The following TTLL13 variants were observed in gnomAD, a reference collection of about 807,000 sequenced individuals.
TTLL13 encodes the protein tubulin polyglutamylase TTLL13.
the TTLL13 span, chr15:90,262,508 A>C: frequency 6.6e-7 from 1 of 1,504,544 alleles, no homozygotes; most frequent in Non-Finnish European, 8.8e-7. Context: ...ACTAGAGGAG[A>C]TCCGCCTTAA....
the TTLL13 span, chr15:90,263,301 G>T: frequency 4.6e-6 from 3 of 654,468 alleles, no homozygotes; most frequent in Admixed American, 6.2e-5. Context: ...GAGAGGGTCT[G>T]TTGATTCCTT....
the TTLL13 span, among the ~76,000 whole-genome samples, chr15:90,259,909 A>G: frequency 1.3e-5 from 2 of 152,364 alleles, no homozygotes; most frequent in South Asian, 2.1e-4. Context: ...ATTTCAGTAC[A>G]TGTATAGTTA....
chr15:90,259,498 C>A, the TTLL13 span, among the ~76,000 whole-genome samples: 1 of 152,162 alleles, frequency 6.6e-6, no homozygotes, highest in Non-Finnish European at 1.5e-5. Context: ...CTCTCTGGAG[C>A]CAATCAACAT....
the TTLL13 span, among the ~76,000 whole-genome samples, chr15:90,256,578 TTTCTTTC>T: frequency 1.5e-4 from 5 of 32,522 alleles, no homozygotes; most frequent in Admixed American, 1.3e-3. Context: ...TCTTTCTTTC[TTTCTTTC>T]TTTCTTTCTT....
chr15:90,264,653 T>C, the TTLL13 span: 2 of 1,501,324 alleles, frequency 1.3e-6, no homozygotes, highest in African/African-American at 1.4e-5. Flanking sequence ...TGGGCCACAG[T>C]TGGGAAAGAG....
the TTLL13 span, chr15:90,262,525 ACAG>A: frequency 6.6e-7 from 1 of 1,521,912 alleles, no homozygotes; most frequent in African/African-American, 1.4e-5. Context: ...TTAAGCAGGA[ACAG>A]CAGGAGACCT....
chr15:90,262,619 C>A, the TTLL13 span: 8 of 1,527,348 alleles, frequency 5.2e-6, no homozygotes, highest in African/African-American at 5.5e-5. Context: ...GGCAGGGCTC[C>A]AGAGCCTTTC....
At chr15:90,257,894 C>A in the TTLL13 span, 2 of 938,246 alleles carry the variant, frequency 2.1e-6, no homozygotes, top group Non-Finnish European at 3.2e-6. Flanking sequence ...CAAACCTCAC[C>A]CTGATAACTA....
At chr15:90,263,021 A>G in the TTLL13 span, 3 of 1,536,040 alleles carry the variant, frequency 2.0e-6, no homozygotes, top group Non-Finnish European at 2.6e-6. Context: ...GAAGAGGAGG[A>G]GCTGGAGCGG....
At chr15:90,261,795 A>C in the TTLL13 span, among the ~76,000 whole-genome samples, 3 of 152,352 alleles carry the variant, frequency 2.0e-5, no homozygotes, top group African/African-American at 7.2e-5. Context: ...AGAAAAGAAA[A>C]GCAAATCAGA....
chr15:90,257,976 C>G, the TTLL13 span: 8 of 1,512,008 alleles, frequency 5.3e-6, no homozygotes, highest in East Asian at 1.8e-4. Context: ...AGGGAGCCTC[C>G]TGCCTACAGC....
the TTLL13 span, chr15:90,265,381 G>A: frequency 7.3e-6 from 9 of 1,241,104 alleles, no homozygotes; most frequent in Non-Finnish European, 9.1e-6. Flanking sequence ...CCTGCCCACC[G>A]AGGTGGCGGA....
At chr15:90,265,357 T>C in the TTLL13 span, 1 of 1,228,916 alleles carries the variant, frequency 8.1e-7, no homozygotes, top group Non-Finnish European at 1.0e-6. Context: ...GTCAGAAGAC[T>C]GCCGAGCGGA....
At chr15:90,262,901 A>T in the TTLL13 span, 5 of 1,477,892 alleles carry the variant, frequency 3.4e-6, no homozygotes, top group East Asian at 1.2e-4. Context: ...GCCTGTAGCC[A>T]TCCTGGGTGA....
At chr15:90,258,220 T>G in the TTLL13 span, 3 of 1,614,272 alleles carry the variant, frequency 1.9e-6, no homozygotes, top group Admixed American at 3.3e-5. Flanking sequence ...TTTGAAATCC[T>G]TGGTTTTGAC....
At chr15:90,263,835 C>T in the TTLL13 span, 5 of 749,410 alleles carry the variant, frequency 6.7e-6, no homozygotes, top group South Asian at 2.9e-5. Flanking sequence ...CAGAGCAGGG[C>T]GCTCCTCATT....
chr15:90,264,049 C>A, the TTLL13 span: 1 of 1,533,164 alleles, frequency 6.5e-7, no homozygotes, highest in Non-Finnish European at 8.7e-7. Flanking sequence ...CAGAATCAGG[C>A]TCACTAGCCG....
the TTLL13 span, chr15:90,255,864 G>T: frequency 6.2e-7 from 1 of 1,614,128 alleles, no homozygotes; most frequent in South Asian, 1.1e-5. Context: ...ATCTTCCCCC[G>T]CACCTGGTGC....
the TTLL13 span, among the ~76,000 whole-genome samples, chr15:90,264,222 C>T: frequency 1.3e-5 from 2 of 152,024 alleles, no homozygotes; most frequent in Admixed American, 1.3e-4. Flanking sequence ...GACAAGGTCA[C>T]GCTCTGTCGC....
Sources: allele counts gnomAD v4.1 joint callset (sites outside exome capture counted in the v4.1 genomes callset), GRCh38; gene constraint gnomAD v4.1.1; transcripts MANE v1.5; gene names NCBI Gene and HGNC (gene_info 2026-07-23, HGNC 2026-07-21).